MAP4K5: variants seen among roughly 807,000 people sequenced by gnomAD.
MAP4K5 encodes the protein mitogen-activated protein kinase kinase kinase kinase 5.
A neutral mutation model predicts 135.6 loss-of-function variants in MAP4K5; 82 were observed. That is an observed-to-expected ratio of 0.60 (90% CI 0.51 to 0.73). The LOEUF (loss-of-function observed/expected upper bound fraction) is 0.73, where lower values mean the gene tolerates loss of function less well. Among genes scored for constraint, MAP4K5 ranks in the 30% least tolerant of loss-of-function variants. The pLI, the probability that MAP4K5 is intolerant of heterozygous loss-of-function variation, is 0.00. For missense variants in MAP4K5, 907 were observed against 1,010.9 expected (o/e 0.90, Z 1.39); for synonymous variants, 347 against 335.0 (o/e 1.04, Z -0.39).
chr14:50,450,266 T>G (rs1231430856), intron 14 of MAP4K5: 1 of 152,128 alleles, frequency 6.6e-6, no homozygotes, highest in Non-Finnish European at 1.5e-5. Flanking sequence ...TAACAGAAAT[T>G]GGACTTACCC....
intron 1 of MAP4K5, among the ~76,000 whole-genome samples, chr14:50,549,924 C>T (rs544506996): frequency 3.9e-5 from 6 of 152,316 alleles, no homozygotes; most frequent in Admixed American, 1.3e-4. Flanking sequence ...AAATATGCGC[C>T]GCAAACTCTC....
chr14:50,448,555 TAAG>T (rs2036410765), intron 15 of MAP4K5, among the ~76,000 whole-genome samples: 1 of 151,506 alleles, frequency 6.6e-6, no homozygotes, highest in Non-Finnish European at 1.5e-5. Context: ...TTCAAAAGAC[TAAG>T]GAGGTTAAAA....
At chr14:50,457,287 G>C (rs757700251) in intron 13 of MAP4K5, among the ~76,000 whole-genome samples, 2 of 152,132 alleles carry the variant, frequency 1.3e-5, no homozygotes, top group Non-Finnish European at 2.9e-5. Flanking sequence ...GCAAGGAAGT[G>C]GCATTGCCAA....
chr14:50,445,939 C>A (rs2139726731), intron 17 of MAP4K5, 140 bp downstream of exon 17: 1 of 495,498 alleles, frequency 2.0e-6, no homozygotes, highest in South Asian at 4.2e-5. Context: ...TATTTTACAC[C>A]ATCATACACT....
chr14:50,472,532 G>A (rs1466882849), intron 9 of MAP4K5: 1 of 152,040 alleles, frequency 6.6e-6, no homozygotes, highest in Non-Finnish European at 1.5e-5. Context: ...ATGTAATTTT[G>A]CCACTTCCCT....
chr14:50,422,429 A>G (rs967421421), intron 32 of MAP4K5, among the ~76,000 whole-genome samples: 24 of 152,196 alleles, frequency 1.6e-4, no homozygotes, highest in African/African-American at 5.3e-4. Flanking sequence ...CCTGAAGACC[A>G]GAGGTTCCCA....
intron 21 of MAP4K5, among the ~76,000 whole-genome samples, chr14:50,440,832 G>C (rs531956763): frequency 6.6e-6 from 1 of 152,238 alleles, no homozygotes; most frequent in African/African-American, 2.4e-5. Flanking sequence ...CTAGTATCCA[G>C]ATCTTGGTTT....
chr14:50,443,613 TCTTTG>T (rs1394494710), intron 20 of MAP4K5, 111 bp downstream of exon 20: 1 of 815,798 alleles, frequency 1.2e-6, no homozygotes, highest in African/African-American at 1.7e-5. Context: ...GCATTCAATA[TCTTTG>T]TATTTTATGA....
chr14:50,524,610 C>A (rs535470878), intron 2 of MAP4K5, among the ~76,000 whole-genome samples: 1 of 147,818 alleles, frequency 6.8e-6, no homozygotes, highest in Non-Finnish European at 1.5e-5. Flanking sequence ...ACAGAAAAGC[C>A]CCCCCACCGA....
At chr14:50,430,675 A>G (rs1159701299) in intron 28 of MAP4K5, among the ~76,000 whole-genome samples, 2 of 152,236 alleles carry the variant, frequency 1.3e-5, no homozygotes, top group Non-Finnish European at 2.9e-5. Flanking sequence ...AAAATAAATT[A>G]TAACTGATCA....
intron 2 of MAP4K5, among the ~76,000 whole-genome samples, chr14:50,515,181 C>T (rs1033834846): frequency 1.3e-5 from 2 of 152,160 alleles, no homozygotes; most frequent in South Asian, 2.1e-4. Flanking sequence ...GGATTACAGG[C>T]GTGAGCCATT....
At chr14:50,440,631 T>C (rs989249504) in intron 21 of MAP4K5, among the ~76,000 whole-genome samples, 190 bp from the exon 22 acceptor site, 4 of 152,180 alleles carry the variant, frequency 2.6e-5, no homozygotes, top group African/African-American at 9.6e-5. Flanking sequence ...TAAAAGCAGA[T>C]ATATTCTATG....
At chr14:50,473,615 T>C (rs1377261193) in intron 9 of MAP4K5, among the ~76,000 whole-genome samples, 2 of 152,134 alleles carry the variant, frequency 1.3e-5, no homozygotes, top group Non-Finnish European at 2.9e-5. Flanking sequence ...TTTCATGCAG[T>C]TAAATCTATC....
At chr14:50,456,409 TG>T (rs1433742967) in intron 14 of MAP4K5, 106 bp downstream of exon 14, 1 of 806,796 alleles carries the variant, frequency 1.2e-6, no homozygotes, top group African/African-American at 1.7e-5. Flanking sequence ...TCTGATATGT[TG>T]AAGTATGTAG....
intron 2 of MAP4K5, among the ~76,000 whole-genome samples, chr14:50,507,486 G>A (rs560827149): frequency 6.6e-6 from 1 of 152,278 alleles, no homozygotes; most frequent in Non-Finnish European, 1.5e-5. Flanking sequence ...TGGGCATTTA[G>A]TGCTATAAAT....
Position 50,464,105 on chromosome 14 carries a change from T to C in MAP4K5, c.766A>G (p.Ile256Val), listed in dbSNP as rs923529728. Residue 256 changes from isoleucine to valine, a missense_variant, in exon 12 of 33, where the codon ATA (isoleucine) becomes GTA (valine). Around this residue, in one of 3 missense-constraint regions of MAP4K5, gnomAD observed 690 missense variants for 777.4 expected, o/e 0.89. Transcript: ENST00000682126. ...TTTTTTGGGTTTTTGGTTAGTGCTA[T>C]TTTGACAAAATTATGGAATGTTGAT... ...WSSTFHNFVK[I>V]ALTKNPKKRP... 7.8e-6 allele frequency: 12 copies of C among 1,540,378 alleles called. No homozygotes were observed. The African/African-American group carries it at 1.6e-4, about 21-fold the overall frequency.
At chr14:50,531,582 C>G (rs2038389504) in intron 2 of MAP4K5, among the ~76,000 whole-genome samples, 1 of 152,122 alleles carries the variant, frequency 6.6e-6, no homozygotes, top group African/African-American at 2.4e-5. Context: ...AATATTCTTT[C>G]CTGTCTATCT....
chr14:50,519,082 G>A (rs1288777556), intron 2 of MAP4K5, among the ~76,000 whole-genome samples: 2 of 152,034 alleles, frequency 1.3e-5, no homozygotes, highest in Non-Finnish European at 2.9e-5. Flanking sequence ...ACAATTGCTT[G>A]TATGTTTGTA....
intron 2 of MAP4K5, among the ~76,000 whole-genome samples, chr14:50,538,601 C>G (rs1419280398): frequency 8.5e-5 from 13 of 152,174 alleles, no homozygotes; most frequent in Admixed American, 8.5e-4. Context: ...CAAAGTTTGC[C>G]CACACCTCAT....
Sources: allele counts gnomAD v4.1 joint callset (sites outside exome capture counted in the v4.1 genomes callset), GRCh38; gene constraint gnomAD v4.1.1; regional missense constraint gnomAD v4.1.1; transcripts MANE v1.5; gene names NCBI Gene and HGNC (gene_info 2026-07-23, HGNC 2026-07-21).